The following CEP152 variants were observed in gnomAD, a reference collection of about 807,000 sequenced individuals.
CEP152 encodes centrosomal protein of 152 kDa.
CEP152 carries 132 observed loss-of-function variants against 188.9 expected under a neutral mutation model. That is an observed-to-expected ratio of 0.70 (90% confidence interval 0.61 to 0.81). The LOEUF is 0.81. Among genes scored for constraint, CEP152 ranks in the 30% least tolerant of loss-of-function variants. CEP152 has a pLI of 0.00. For missense variants in CEP152, 1,914 were observed against 1,969.8 expected, an observed-to-expected ratio of 0.97 and a Z score of 0.54; for synonymous variants, 649 against 666.6, an observed-to-expected ratio of 0.97 and a Z score of 0.41.
rs370597274 is a variant in CEP152, at chr15:48,741,549, T to C, written c.4093+52A>G. ...CCTTCTTCATACTGAAAATATTAAA[T>C]AGCTAAAGAAGAAAAGATAGAAAAA... On this transcript the variant is annotated intron_variant, in intron 26 of 26. Coordinates refer to ENST00000380950, the MANE Select transcript of CEP152 (RefSeq NM_001194998.2). The C allele has an allele frequency of 2.1e-5, 34 of 1,613,142 alleles. 1 individual carries two copies. Among genetic ancestry groups the C allele is most frequent in the African/African-American group, 5.3e-5 (4 of 74,878 alleles).
In CEP152 at chr15:48,797,418, A is replaced by G; in HGVS notation, c.423T>C (p.Thr141=). 6.2e-7 allele frequency: 1 copy of G among 1,614,182 alleles called. No individual in the cohort carries two copies. The highest frequency in any genetic ancestry group is 8.5e-7 in the Non-Finnish European group (1 of 1,180,020). Reference sequence around the variant, plus strand: ...AGTTTTCAGGAAGGTGATATAAATCAGTCTGTTCACATTTACTTGGAGGAC... The same window carrying G: ...AGTTTTCAGGAAGGTGATATAAATCGGTCTGTTCACATTTACTTGGAGGAC... The part of the protein sequence containing the change: ...GYSPPSKCEQ[T]DLYHLPENFR... The change falls in exon 5 of 27, where the codon ACT becomes ACC. Residue 141 remains threonine (T), a synonymous_variant. Coordinates refer to ENST00000380950, the MANE Select transcript of CEP152 (RefSeq NM_001194998.2).
At chr15:48,778,633 T>C (rs1231955129) in intron 12 of CEP152, among the ~76,000 whole-genome samples, 1 of 152,106 alleles carries the variant, frequency 6.6e-6, no homozygotes, top group Non-Finnish European at 1.5e-5. Context: ...TCAGGTTTAT[T>C]ATCTATAGGA....
chr15:48,766,616 T>C (rs962533347), intron 17 of CEP152, among the ~76,000 whole-genome samples: 3 of 152,148 alleles, frequency 2.0e-5, no homozygotes, highest in African/African-American at 4.8e-5. Flanking sequence ...ATTCCTACTC[T>C]TCTCCCCAGA....
chr15:48,746,870 G>A (rs1893473586), intron 22 of CEP152, among the ~76,000 whole-genome samples: 1 of 152,164 alleles, frequency 6.6e-6, no homozygotes, highest in African/African-American at 2.4e-5. Context: ...CCTCCCTGAG[G>A]AAGTAATGTA....
rs77732888 is a variant in CEP152, at chr15:48,796,001, G to A, written c.691+9C>T. On this transcript the variant is annotated intron_variant, in intron 6 of 26. Coordinates refer to ENST00000380950, the MANE Select transcript of CEP152 (RefSeq NM_001194998.2). Reference sequence around the variant, plus strand: ...GGTATTAAAAAATAAATATAAACTTGATACCTACTCTCATTAGCTCCTAAA... The same window carrying A: ...GGTATTAAAAAATAAATATAAACTTAATACCTACTCTCATTAGCTCCTAAA... 0.085 allele frequency: 137,638 copies of A among 1,611,154 alleles called. 6,593 individuals are homozygous for A. Among genetic ancestry groups the A allele is most frequent in the Middle Eastern group, 0.15 (894 of 6,050 alleles).
At chr15:48,753,252 C>T (rs1014523312) in intron 20 of CEP152, among the ~76,000 whole-genome samples, 2 of 152,206 alleles carry the variant, frequency 1.3e-5, no homozygotes, top group Non-Finnish European at 2.9e-5. Flanking sequence ...ATTCTCCTGC[C>T]TCAACCCTCG....
At chr15:48,778,000 A>G (rs1312176762) in intron 12 of CEP152, among the ~76,000 whole-genome samples, 1 of 152,234 alleles carries the variant, frequency 6.6e-6, no homozygotes, top group African/African-American at 2.4e-5. Flanking sequence ...CTAAATCCAA[A>G]TAAACTGTAG....
At chr15:48,729,585 A>G (rs1278201322) in intron 2 of CEP152, 2 of 152,198 alleles carry the variant, frequency 1.3e-5, no homozygotes, top group African/African-American at 4.8e-5. Flanking sequence ...ATAAATATTT[A>G]TCAATATTCA....
At chr15:48,787,826 T>C (rs1367393057) in intron 9 of CEP152, among the ~76,000 whole-genome samples, 1 of 152,210 alleles carries the variant, frequency 6.6e-6, no homozygotes, top group African/African-American at 2.4e-5. Flanking sequence ...TTCACTCAAG[T>C]GATTACCTAG....
chr15:48,762,029 C>T (rs1306234900), intron 18 of CEP152, among the ~76,000 whole-genome samples: 27 of 152,174 alleles, frequency 1.8e-4, no homozygotes, highest in Admixed American at 1.8e-3. Flanking sequence ...GTTTACTTAT[C>T]TATAACCACC....
At chr15:48,806,377 C>T (rs1440246317) in intron 1 of CEP152, among the ~76,000 whole-genome samples, 1 of 145,438 alleles carries the variant, frequency 6.9e-6, no homozygotes, top group African/African-American at 2.4e-5. Context: ...CAACTACTTA[C>T]ATTCAAAAAA....
At chr15:48,757,975 T>C (rs569807226) in intron 19 of CEP152, among the ~76,000 whole-genome samples, 2 of 152,302 alleles carry the variant, frequency 1.3e-5, no homozygotes, top group South Asian at 4.1e-4. Flanking sequence ...TCATGTGAAG[T>C]TTTACAAAGA....
At chr15:48,770,426 T>TA (rs1367997117) in intron 13 of CEP152, among the ~76,000 whole-genome samples, 1 of 152,140 alleles carries the variant, frequency 6.6e-6, no homozygotes, top group East Asian at 1.9e-4. Flanking sequence ...ATGGGAAGGC[T>TA]AAAAAACAGT....
chr15:48,784,154 A>C, intron 9 of CEP152, 34 bp from the exon 10 acceptor site: 1 of 1,595,260 alleles, frequency 6.3e-7, no homozygotes, highest in Non-Finnish European at 8.6e-7. Flanking sequence ...AGTCATTTTC[A>C]TAAAGAGTTT....
rs115832709 is a variant in CEP152, at chr15:48,755,923, C to T, written c.3325G>A (p.Ala1109Thr). Residue 1109 changes from alanine (A) to threonine (T), a missense_variant, in exon 20 of 27, where the codon GCT becomes ACT. Ala to Thr is a moderately conservative substitution (Grantham distance 58, BLOSUM62 0). Coordinates refer to ENST00000380950, the MANE Select transcript of CEP152 (RefSeq NM_001194998.2). Reference sequence around the variant, plus strand: ...CATACCTTTTTCCATTCTGGGTCAGCGTTTTCTACAAGCAGAGGAAGTGTA... The same window carrying T: ...CATACCTTTTTCCATTCTGGGTCAGTGTTTTCTACAAGCAGAGGAAGTGTA... Reference protein sequence around the residue: ...QDTLPLLVENADPEWKKRNMA... With the variant: ...QDTLPLLVENTDPEWKKRNMA... The T allele has an allele frequency of 4.3e-6, 7 of 1,613,766 alleles. No individual in the cohort carries two copies. Among genetic ancestry groups the T allele is most frequent in the Middle Eastern group, 1.6e-4 (1 of 6,062 alleles).
At chr15:48,742,658 G>A (rs1893071178) in intron 24 of CEP152, among the ~76,000 whole-genome samples, 1 of 151,942 alleles carries the variant, frequency 6.6e-6, no homozygotes, top group Non-Finnish European at 1.5e-5. Flanking sequence ...CAATTCATAA[G>A]AGATATGTAC....
In CEP152 at chr15:48,797,323, T is replaced by A; in HGVS notation, c.518A>T (p.Asp173Val). 2 of 1,614,102 alleles carry A rather than the reference T, an allele frequency of 1.2e-6. No individual in the cohort carries two copies. Among genetic ancestry groups the A allele is most frequent in the Non-Finnish European group, 1.7e-6 (2 of 1,179,996 alleles). The change falls in exon 5 of 27, where the codon GAT becomes GTT. Residue 173 changes from aspartate to valine, a missense_variant. By Grantham distance (152) the Asp-to-Val change is radical (BLOSUM62 -3). Transcript: ENST00000380950. Reference protein sequence around the residue: ...NQATNVIKFSDPQWNHFQGPS... With the variant: ...NQATNVIKFSVPQWNHFQGPS... ...TACCTGAAAATGGTTCCATTGAGGA[T>A]CTGAAAATTTAATTACATTGGTTGC...
intron 19 of CEP152, among the ~76,000 whole-genome samples, chr15:48,758,418 G>A (rs1026285532): frequency 2.0e-5 from 3 of 152,002 alleles, no homozygotes; most frequent in Non-Finnish European, 4.4e-5. Flanking sequence ...CTGGGAGCCT[G>A]TTAGAAATGC....
intron 17 of CEP152, among the ~76,000 whole-genome samples, chr15:48,764,304 C>G (rs976068607): frequency 6.6e-6 from 1 of 152,112 alleles, no homozygotes; most frequent in African/African-American, 2.4e-5. Context: ...CAGCCACTTG[C>G]TCTTTTCCAT....
Sources: gnomAD v4.1 joint callset for allele counts (sites outside exome capture counted in the v4.1 genomes callset) on GRCh38, gnomAD v4.1.1 for gene constraint, MANE v1.5 for transcripts, NCBI Gene and HGNC (gene_info 2026-07-23, HGNC 2026-07-21) for gene names.